The following ROBO1 variants were observed in gnomAD, a reference collection of about 807,000 sequenced individuals.
ROBO1 encodes roundabout homolog 1.
In ROBO1, 149 loss-of-function variants were observed where a neutral mutation model predicts 195.9. That is an observed-to-expected ratio of 0.76 (90% CI 0.67 to 0.87). ROBO1 has a LOEUF of 0.87. ROBO1 is among the 40% of genes least tolerant of loss of function. ROBO1 has a pLI of 0.00. For missense variants in ROBO1, 1,933 were observed against 2,068.3 expected (o/e 0.93, Z 1.27); for synonymous variants, 816 against 733.2 (o/e 1.11, Z -1.82).
At position 78,784,599 on chromosome 3, in the gene ROBO1, T is replaced by C. The variant is rs549080783; in HGVS notation, c.500-37699A>G. 3.9e-5 allele frequency among the ~76,000 whole-genome samples: 4 copies of C among 103,094 alleles called. No homozygotes were observed. The South Asian group carries it at 8.7e-4, about 22-fold the overall frequency. The allele number at this position is 103,094 out of a possible 152,430, so 67.6% of individuals were successfully genotyped here. ...TTTTAACAATGAACTTAAAAGTAAA[T>C]TGAAAAAAAGGACACGTTCTTTAAG... On this transcript the variant is annotated intron_variant, in intron 4 of 30. Coordinates refer to ENST00000464233, the MANE Select transcript of ROBO1 (RefSeq NM_002941.4).
chr3:79,210,817 T>A (rs1404853223), intron 2 of ROBO1, among the ~76,000 whole-genome samples: 1 of 152,136 alleles, frequency 6.6e-6, no homozygotes, highest in African/African-American at 2.4e-5. Context: ...ATGAATTATT[T>A]CTGTGTATGG....
chr3:78,663,577 G>A (rs189203282), intron 14 of ROBO1, among the ~76,000 whole-genome samples: 4 of 152,118 alleles, frequency 2.6e-5, no homozygotes, highest in Non-Finnish European at 5.9e-5. Flanking sequence ...ACCCCACCTC[G>A]GCAACTTAAA....
chr3:78,711,884 G>A (rs1199379956), intron 8 of ROBO1, among the ~76,000 whole-genome samples: 1 of 151,584 alleles, frequency 6.6e-6, no homozygotes, highest in African/African-American at 2.4e-5. Context: ...CCTATTAGAT[G>A]TCCAGTACCA....
At chr3:78,650,009 A>G (rs1706546604) in intron 19 of ROBO1, among the ~76,000 whole-genome samples, 1 of 152,160 alleles carries the variant, frequency 6.6e-6, no homozygotes, top group Non-Finnish European at 1.5e-5. Flanking sequence ...CTATTTGCAA[A>G]ACAGAGTTCA....
intron 3 of ROBO1, among the ~76,000 whole-genome samples, chr3:78,983,236 T>G (rs2108001900): frequency 6.6e-6 from 1 of 152,326 alleles, no homozygotes; most frequent in African/African-American, 2.4e-5. Flanking sequence ...TAGAGCTAAA[T>G]GTCTGAGAAA....
chr3:79,708,456 T>G (rs1702145289), intron 1 of ROBO1, among the ~76,000 whole-genome samples: 2 of 152,224 alleles, frequency 1.3e-5, no homozygotes, highest in Non-Finnish European at 2.9e-5. Context: ...TTTTCTCATT[T>G]TGATCTGTTA....
intron 2 of ROBO1, among the ~76,000 whole-genome samples, chr3:79,128,639 A>T (rs1311134542): frequency 6.6e-6 from 1 of 152,136 alleles, no homozygotes; most frequent in Non-Finnish European, 1.5e-5. Context: ...CAATATAAAA[A>T]GGAAGTCTTG....
chr3:79,226,580 A>T, intron 2 of ROBO1, among the ~76,000 whole-genome samples: 1 of 145,038 alleles, frequency 6.9e-6, no homozygotes. Flanking sequence ...TCCCTCTGTC[A>T]CCCAGTCTGG....
In ROBO1 at chr3:78,875,814, CAT is replaced by C. The variant is rs201242929; in HGVS notation, c.499+62785_499+62786del. On this transcript the variant is annotated intron_variant, in intron 4 of 30. Transcript: ENST00000464233. ...AAAAATATCAAGCCCTTACCTGACA[CAT>C]GTTAGGAACTAACAACTAAAAGAAA... 8.6e-3 allele frequency among the ~76,000 whole-genome samples: 1,307 copies of C among 152,148 alleles called. 13 individuals carry two copies. The highest frequency in any genetic ancestry group is 0.034 in the Middle Eastern group (10 of 294).
At chr3:78,925,686 G>A (rs1051959482) in intron 4 of ROBO1, among the ~76,000 whole-genome samples, 1 of 152,150 alleles carries the variant, frequency 6.6e-6, no homozygotes, top group African/African-American at 2.4e-5. Flanking sequence ...ACACAGCGGT[G>A]AGAAGTAAGT....
At chr3:78,657,352 C>G in intron 17 of ROBO1, 83 bp from the exon 18 acceptor site, 16 of 1,414,672 alleles carry the variant, frequency 1.1e-5, no homozygotes, top group Non-Finnish European at 1.5e-5. Context: ...AGTTTTAGAC[C>G]CAGACAGAGT....
At chr3:79,097,560 A>G (rs1262872826) in intron 3 of ROBO1, among the ~76,000 whole-genome samples, 1 of 151,770 alleles carries the variant, frequency 6.6e-6, no homozygotes, top group African/African-American at 2.4e-5. Flanking sequence ...TTTTTGTATT[A>G]TATAATCAAA....
chr3:79,034,432 T>G (rs1297913672), intron 3 of ROBO1, among the ~76,000 whole-genome samples: 1 of 152,156 alleles, frequency 6.6e-6, no homozygotes, highest in East Asian at 1.9e-4. Context: ...TTGTAGTCTC[T>G]GGGAGTGAAG....
chr3:79,054,858 T>G (rs1354394359), intron 3 of ROBO1, among the ~76,000 whole-genome samples: 1 of 152,076 alleles, frequency 6.6e-6, no homozygotes, highest in Non-Finnish European at 1.5e-5. Context: ...TGCTTCAGAC[T>G]CAGACCAACA....
intron 10 of ROBO1, among the ~76,000 whole-genome samples, chr3:78,682,797 GTA>G (rs1221181714): frequency 6.7e-5 from 10 of 149,380 alleles, no homozygotes; most frequent in Admixed American, 2.0e-4. Context: ...TTGTTGAATT[GTA>G]TGAGCCAAGT....
At chr3:79,386,627 G>T (rs956323713) in intron 2 of ROBO1, among the ~76,000 whole-genome samples, 2 of 152,130 alleles carry the variant, frequency 1.3e-5, no homozygotes, top group African/African-American at 2.4e-5. Context: ...AAGTGCAGAT[G>T]CAAGACAGGG....
chr3:78,972,836 A>G (rs1444563690), intron 3 of ROBO1, among the ~76,000 whole-genome samples: 1 of 152,206 alleles, frequency 6.6e-6, no homozygotes, highest in African/African-American at 2.4e-5. Context: ...CAGAATACAC[A>G]GATGACTAAT....
intron 3 of ROBO1, among the ~76,000 whole-genome samples, chr3:78,995,030 A>G (rs148983308): frequency 1.5e-3 from 232 of 152,286 alleles, no homozygotes; most frequent in African/African-American, 5.3e-3. Context: ...AATGACTGCT[A>G]TACACTCGAA....
At chr3:79,515,272 G>A (rs1036548491) in intron 2 of ROBO1, among the ~76,000 whole-genome samples, 4 of 152,250 alleles carry the variant, frequency 2.6e-5, no homozygotes, top group East Asian at 3.9e-4. Context: ...TCCAGTCCTC[G>A]GGCATTCTGA....
Sources: gnomAD v4.1 joint callset for allele counts (sites outside exome capture counted in the v4.1 genomes callset) on GRCh38, gnomAD v4.1.1 for gene constraint, MANE v1.5 for transcripts, NCBI Gene and HGNC (gene_info 2026-07-23, HGNC 2026-07-21) for gene names.